HECW2: variants seen among roughly 807,000 people sequenced by gnomAD.
HECW2 encodes the protein HECT, C2 and WW domain containing E3 ubiquitin protein ligase 2.
Under a neutral mutation model 175.2 loss-of-function variants are expected in HECW2, and 61 were observed. The ratio of observed to expected loss-of-function variants is 0.35; its 90% CI spans 0.28 to 0.43. HECW2 has a LOEUF of 0.43. Among genes scored for constraint, HECW2 ranks in the 20% least tolerant of loss-of-function variants. The pLI is 1.00. For missense variants in HECW2, 1,524 were observed against 2,000.5 expected, an observed-to-expected ratio of 0.76 and a Z score of 4.54; for synonymous variants, 671 against 731.0, an observed-to-expected ratio of 0.92 and a Z score of 1.32.
chr2:196,418,890 T>A (rs1695331331), intron 2 of HECW2, among the ~76,000 whole-genome samples: 1 of 152,180 alleles, frequency 6.6e-6, no homozygotes, highest in African/African-American at 2.4e-5. Flanking sequence ...TCTAACATTG[T>A]TAAACAAACA....
chr2:196,441,379 CAA>C (rs1491313824), intron 1 of HECW2, among the ~76,000 whole-genome samples: 1 of 38,674 alleles, frequency 2.6e-5, no homozygotes, highest in Non-Finnish European at 5.4e-5. Flanking sequence ...CACACACACA[CAA>C]ACACACACAC....
intron 28 of HECW2, among the ~76,000 whole-genome samples, chr2:196,215,136 T>A (rs1687427916): frequency 6.6e-6 from 1 of 152,214 alleles, no homozygotes; most frequent in South Asian, 2.1e-4. Flanking sequence ...TTTGTTCATA[T>A]GCTCCTTTTC....
At chr2:196,579,704 T>C (rs555919228) in intron 1 of HECW2, among the ~76,000 whole-genome samples, 178 of 152,276 alleles carry the variant, frequency 1.2e-3, no homozygotes, top group African/African-American at 4.1e-3. Flanking sequence ...TAAGTTAAAA[T>C]GAGGCCATTA....
chr2:196,386,306 G>T (rs1159362084), intron 2 of HECW2, among the ~76,000 whole-genome samples: 1 of 152,124 alleles, frequency 6.6e-6, no homozygotes, highest in African/African-American at 2.4e-5. Context: ...GAAAGCTGGG[G>T]CTTGAGAGTA....
intron 18 of HECW2, among the ~76,000 whole-genome samples, chr2:196,257,549 G>A (rs547653919): frequency 3.3e-5 from 5 of 152,280 alleles, no homozygotes; most frequent in South Asian, 2.1e-4. Flanking sequence ...TTCTGTGAGT[G>A]GGAGATTCTA....
At chr2:196,255,026 G>A (rs9789759) in intron 18 of HECW2, among the ~76,000 whole-genome samples, 29,817 of 148,974 alleles carry the variant, frequency 0.2, 3,683 homozygotes, top group East Asian at 0.41. Context: ...TGGCTGGAGC[G>A]CAGTGGCACA....
chr2:196,387,939 C>A (rs550866974), intron 2 of HECW2, among the ~76,000 whole-genome samples: 2 of 152,250 alleles, frequency 1.3e-5, no homozygotes, highest in South Asian at 4.1e-4. Flanking sequence ...CCCTAATTCA[C>A]CTCAACTAAA....
chr2:196,528,342 G>A (rs1455314627), intron 1 of HECW2, among the ~76,000 whole-genome samples: 1 of 152,186 alleles, frequency 6.6e-6, no homozygotes, highest in Non-Finnish European at 1.5e-5. Context: ...GGAAAGCAGA[G>A]TCAACTGTAT....
intron 12 of HECW2, 108 bp downstream of exon 12, chr2:196,307,022 A>C (rs1423357817): frequency 1.4e-6 from 1 of 707,148 alleles, no homozygotes; most frequent in African/African-American, 1.8e-5. Context: ...ACCAGATCTT[A>C]TTGAAGAGCA....
At position 196,201,385 on chromosome 2, in the gene HECW2, C is replaced by T. The variant is rs201876250; in HGVS notation, c.4611G>A (p.Ala1537=). The part of the protein sequence containing the change: ...KWGKITALPR[A]HTCFNRLDLP... The stretch of plus-strand genomic sequence containing the variant: ...GATCCAGACGGTTAAAACATGTATG[C>T]GCTCTGAAAACACAAGAAACAGCAC... Residue 1537 remains alanine (A), a synonymous_variant, in exon 29 of 29, where the codon GCG becomes GCA. Transcript: ENST00000644978. The T allele has an allele frequency of 1.4e-4, 219 of 1,607,996 alleles. No individual in the cohort carries two copies. Among genetic ancestry groups the T allele is most frequent in the Non-Finnish European group, 1.7e-4 (200 of 1,174,618 alleles).
At chr2:196,486,085 T>C (rs182002570) in intron 1 of HECW2, among the ~76,000 whole-genome samples, 2 of 152,258 alleles carry the variant, frequency 1.3e-5, no homozygotes, top group South Asian at 4.2e-4. Flanking sequence ...GCAATTTTTG[T>C]GGGTTTTGTA....
At chr2:196,486,803 T>A (rs561070448) in intron 1 of HECW2, among the ~76,000 whole-genome samples, 1 of 152,248 alleles carries the variant, frequency 6.6e-6, no homozygotes, top group African/African-American at 2.4e-5. Flanking sequence ...ATTCCAAATA[T>A]AAGCTTAGAT....
At chr2:196,516,098 C>T (rs779867946) in intron 1 of HECW2, among the ~76,000 whole-genome samples, 1 of 152,164 alleles carries the variant, frequency 6.6e-6, no homozygotes, top group Non-Finnish European at 1.5e-5. Flanking sequence ...GATCGCACCA[C>T]TGCACTCCAG....
chr2:196,411,651 C>T (rs1266390746), intron 2 of HECW2, among the ~76,000 whole-genome samples: 1 of 152,200 alleles, frequency 6.6e-6, no homozygotes, highest in Admixed American at 6.5e-5. Context: ...GAAGAGCTGG[C>T]CAACAAGGCC....
chr2:196,395,871 A>C (rs1694647602), intron 2 of HECW2, among the ~76,000 whole-genome samples: 1 of 152,186 alleles, frequency 6.6e-6, no homozygotes, highest in Non-Finnish European at 1.5e-5. Flanking sequence ...CAGCTATTCT[A>C]CTTCTGGGTA....
intron 7 of HECW2, among the ~76,000 whole-genome samples, chr2:196,320,996 C>T (rs1575411758): frequency 1.3e-5 from 2 of 152,234 alleles, no homozygotes; most frequent in African/African-American, 2.4e-5. Flanking sequence ...AATGAAAGCG[C>T]CCTTCATAGC....
intron 14 of HECW2, chr2:196,290,439 G>A (rs1690564292): frequency 6.6e-6 from 1 of 152,408 alleles, no homozygotes; most frequent in South Asian, 2.1e-4. Flanking sequence ...GGCAAGTTAT[G>A]ACTGGCAAGA....
intron 1 of HECW2, among the ~76,000 whole-genome samples, chr2:196,459,607 G>C (rs533357687): frequency 3.9e-5 from 6 of 152,076 alleles, no homozygotes; most frequent in African/African-American, 9.6e-5. Flanking sequence ...GATTTCCTCC[G>C]TAAGGATTAA....
chr2:196,379,684 C>CAAAAAAAA (rs1228923177), intron 2 of HECW2, among the ~76,000 whole-genome samples: 4 of 28,258 alleles, frequency 1.4e-4, no homozygotes, highest in Non-Finnish European at 1.4e-4. Context: ...TACTCCGTCT[C>CAAAAAAAA]AAAAAAAAAA....
Sources: gnomAD v4.1 joint callset for allele counts (sites outside exome capture counted in the v4.1 genomes callset) on GRCh38, gnomAD v4.1.1 for gene constraint, MANE v1.5 for transcripts, NCBI Gene and HGNC (gene_info 2026-07-23, HGNC 2026-07-21) for gene names.